Variants in GTPBP8 observed in about 807,000 individuals in gnomAD.
The protein encoded by GTPBP8 is GTP binding protein 8.
In GTPBP8, 21 loss-of-function variants were observed where a neutral mutation model predicts 27.3. The ratio of observed to expected loss-of-function variants is 0.77; its 90% confidence interval spans 0.55 to 1.11. GTPBP8 has a LOEUF of 1.11. GTPBP8 is among the 50% of genes least tolerant of loss of function. GTPBP8 has a pLI of 0.00. For missense variants in GTPBP8, 380 were observed against 350.8 expected, an observed-to-expected ratio of 1.08 and a Z score of -0.67; for synonymous variants, 147 against 135.3, an observed-to-expected ratio of 1.09 and a Z score of -0.60.
chr3:113,001,246 T>C lies in GTPBP8; in HGVS notation c.*327T>C, dbSNP rs1250500859. 1 of 179,826 alleles carries C rather than the reference T, an allele frequency of 5.6e-6. No individual in the cohort carries two copies. Among genetic ancestry groups the C allele is most frequent in the African/African-American group, 2.4e-5 (1 of 42,420 alleles). 11.1% of individuals were successfully genotyped at this position (179,826 alleles called of 1,614,324 possible). A position where few individuals can be genotyped will look rare whatever the true frequency, so the allele number is the denominator to read the frequency against. On this transcript the variant is annotated 3_prime_UTR_variant, in exon 6 of 6. Transcript: ENST00000383678. ...GGTTTGACGTTTTATTGGGCTTTTG[T>C]CTTTTAAAGAATATGTCTACTATGG... is the stretch of plus-strand genomic sequence containing the variant.
At chr3:112,998,876 G>A (rs1933836579) in intron 4 of GTPBP8, among the ~76,000 whole-genome samples, 1 of 152,284 alleles carries the variant, frequency 6.6e-6, no homozygotes, top group Admixed American at 6.5e-5. Context: ...GGAATATCTG[G>A]TGGATTAAGG....
Position 112,991,212 on chromosome 3 carries a change from T to C in GTPBP8, c.213T>C (p.Phe71=). Residue 71 remains phenylalanine (F), a synonymous_variant, in exon 1 of 6, where the codon TTT becomes TTC. Transcript: ENST00000383678. ...GGCAAGACCTTCACCTGCGTATCTTTGACCCAAGCCCGGAGGACATAGCCA... is the reference window on the plus strand; with the variant it reads ...GGCAAGACCTTCACCTGCGTATCTTCGACCCAAGCCCGGAGGACATAGCCA... The part of the protein sequence containing the change: ...YGRQDLHLRI[F]DPSPEDIARA... 3 of 1,614,182 alleles carry C rather than the reference T, an allele frequency of 1.9e-6. No individual in the cohort carries two copies. The highest frequency in any genetic ancestry group is 2.5e-6 in the Non-Finnish European group (3 of 1,180,038).
In GTPBP8 at chr3:112,991,402, C is replaced by G. The variant is rs539111969; in HGVS notation, c.336+67C>G. The G allele has an allele frequency of 5.4e-5, 78 of 1,432,016 alleles. No homozygotes were observed. The African/African-American group carries it at 1.0e-3, about 19-fold the overall frequency. 88.7% of individuals were successfully genotyped at this position (1,432,016 alleles called of 1,614,324 possible). On this transcript the variant is annotated intron_variant, in intron 1 of 5. Coordinates refer to ENST00000383678, the MANE Select transcript of GTPBP8 (RefSeq NM_014170.4). ...CAGCGCTAACCGCTTCCCTGGCCGT[C>G]CGGCTCGCGGGTGATTTTGCGGTTG...
At chr3:112,993,325 C>T (rs1024996910) in intron 2 of GTPBP8, among the ~76,000 whole-genome samples, 1 of 134,662 alleles carries the variant, frequency 7.4e-6, no homozygotes, top group African/African-American at 2.5e-5. Context: ...TTTTAGTAGT[C>T]TAGACAATAT....
chr3:112,994,188 C>T (rs1458718975), intron 2 of GTPBP8, among the ~76,000 whole-genome samples: 1 of 152,110 alleles, frequency 6.6e-6, no homozygotes, highest in Non-Finnish European at 1.5e-5. Flanking sequence ...TTTGGGGAGG[C>T]CGAGGCTGGC....
chr3:112,991,314 C>T lies in GTPBP8; in HGVS notation c.315C>T (p.Ala105=), dbSNP rs1328494805. The change falls in exon 1 of 6, where the codon GCC becomes GCT. Residue 105 remains alanine (A), a synonymous_variant. Coordinates refer to ENST00000383678, the MANE Select transcript of GTPBP8 (RefSeq NM_014170.4). ...YVSSAVRIDH[A]PDLPRPEVCF... ...GCTCCGCCGTCCGTATCGACCACGC[C>T]CCGGACCTTCCGCGGCCAGAGGTGA... 6.2e-7 allele frequency: 1 copy of T among 1,613,668 alleles called. No homozygotes were observed.
At chr3:112,991,568 A>G (rs1454526652) in intron 1 of GTPBP8, 3 of 688,104 alleles carry the variant, frequency 4.4e-6, no homozygotes, top group Non-Finnish European at 8.0e-6. Context: ...GGTAAAGTCA[A>G]AAATCGTTAA....
At chr3:113,000,014 T>C (rs1364534674) in intron 5 of GTPBP8, among the ~76,000 whole-genome samples, 1 of 152,200 alleles carries the variant, frequency 6.6e-6, no homozygotes, top group Non-Finnish European at 1.5e-5. Flanking sequence ...TATCCACTTG[T>C]TAGTTGAATT....
intron 2 of GTPBP8, among the ~76,000 whole-genome samples, chr3:112,994,798 C>G (rs1933752960): frequency 6.6e-6 from 1 of 152,158 alleles, no homozygotes; most frequent in Non-Finnish European, 1.5e-5. Flanking sequence ...TTGACTGATG[C>G]AGTCACAATT....
Position 112,996,928 on chromosome 3 carries a change from T to C in GTPBP8, c.603T>C (p.Val201=). ...KRTFLLVDSV[V]GIQKTDNIAI... ...CATTTTTATTAGTGGATAGCGTTGT[T>C]GGAATTCAAAAAACAGACAATATTG... The change falls in exon 4 of 6, where the codon GTT becomes GTC. Residue 201 remains valine (V), a synonymous_variant. Transcript: ENST00000383678. 8 of 1,580,656 alleles carry C rather than the reference T, an allele frequency of 5.1e-6. No individual in the cohort carries two copies. The highest frequency in any genetic ancestry group is 6.1e-6 in the Non-Finnish European group (7 of 1,150,668).
At chr3:112,996,475 A>C (rs1049008697) in intron 3 of GTPBP8, among the ~76,000 whole-genome samples, 3 of 152,112 alleles carry the variant, frequency 2.0e-5, no homozygotes, top group African/African-American at 4.8e-5. Flanking sequence ...AAAAACAAAA[A>C]AAAAAATTTA....
intron 2 of GTPBP8, among the ~76,000 whole-genome samples, chr3:112,994,290 G>C (rs1028489917): frequency 6.6e-6 from 1 of 152,094 alleles, no homozygotes; most frequent in Non-Finnish European, 1.5e-5. Context: ...AGGCGCGGTG[G>C]TGCATTCCTG....
At chr3:112,997,240 C>G (rs1559711171) in intron 4 of GTPBP8, among the ~76,000 whole-genome samples, 1 of 152,168 alleles carries the variant, frequency 6.6e-6, no homozygotes, top group East Asian at 1.9e-4. Flanking sequence ...TTAGGCTGTT[C>G]ATTTAATGTT....
At chr3:112,992,296 C>T (rs1933697935) in intron 1 of GTPBP8, 1 of 152,212 alleles carries the variant, frequency 6.6e-6, no homozygotes, top group Non-Finnish European at 1.5e-5. Context: ...ATCCCTGGCC[C>T]CTGCCCACTA....
intron 1 of GTPBP8, among the ~76,000 whole-genome samples, chr3:112,992,693 A>C (rs867524068): frequency 1.3e-5 from 2 of 152,210 alleles, no homozygotes; most frequent in South Asian, 2.1e-4. Context: ...ATGCTTAATA[A>C]AAGTTGCATA....
chr3:112,999,609 T>C lies in GTPBP8; in HGVS notation c.785+45T>C, dbSNP rs1161352030. The C allele has an allele frequency of 1.8e-5, 14 of 776,338 alleles. No individual in the cohort carries two copies. The Admixed American group carries it at 3.4e-4, about 19-fold the overall frequency. The allele number at this position is 776,338 out of a possible 1,614,324, so 48.1% of individuals were successfully genotyped here. ...GTTTTTTGTTTTTTATGAAGTAATC[T>C]TGAGAATGTTGTGGGTTTTTTTTTT... On this transcript the variant is annotated intron_variant, in intron 5 of 5. Coordinates refer to ENST00000383678, the MANE Select transcript of GTPBP8 (RefSeq NM_014170.4).
intron 3 of GTPBP8, among the ~76,000 whole-genome samples, chr3:112,996,074 T>C (rs915447830): frequency 2.6e-5 from 4 of 152,218 alleles, no homozygotes; most frequent in African/African-American, 9.6e-5. Context: ...GTTGTAGCTT[T>C]ACATAAGGGG....
rs772321559 is a variant in GTPBP8 at position 113,000,911 on chromosome 3, C to T, written c.847C>T (p.Leu283Phe). The T allele has an allele frequency of 6.6e-7, 1 of 1,512,796 alleles. No homozygotes were observed. Among genetic ancestry groups the T allele is most frequent in the South Asian group, 1.2e-5 (1 of 86,628 alleles). 93.7% of individuals were successfully genotyped at this position (1,512,796 alleles called of 1,614,324 possible). A position where few individuals can be genotyped will look rare whatever the true frequency, so the allele number is the denominator to read the frequency against. Residue 283 changes from leucine (L) to phenylalanine (F), a missense_variant, in exon 6 of 6, where the codon CTT becomes TTT. Physicochemically the swap from Leu to Phe is conservative, Grantham distance 22. Transcript: ENST00000383678. ...RCFIASVTGSLD is the reference protein window; with the variant it reads ...RCFIASVTGSFD ...CTTTATAGCCAGTGTAACAGGAAGT[C>T]TTGACTAATGGTTCCCGGTTTAGCT...
chr3:112,991,578 A>G (rs2107364309), intron 1 of GTPBP8: 1 of 681,244 alleles, frequency 1.5e-6, no homozygotes, highest in East Asian at 2.8e-5. Context: ...AAAATCGTTA[A>G]GTCGACCCAC....
Sources: gnomAD v4.1 joint callset for allele counts (sites outside exome capture counted in the v4.1 genomes callset) on GRCh38, gnomAD v4.1.1 for gene constraint, MANE v1.5 for transcripts, NCBI Gene and HGNC (gene_info 2026-07-23, HGNC 2026-07-21) for gene names.